The following MPP4 variants were observed in gnomAD, a reference collection of about 807,000 sequenced individuals.
MPP4 encodes the protein MAGUK p55 subfamily member 4.
A neutral mutation model predicts 98.3 loss-of-function variants in MPP4; 91 were observed. The observed-to-expected ratio is 0.93, with a 90% CI of 0.78 to 1.10. MPP4 has a LOEUF of 1.10. MPP4 is among the 50% of genes least tolerant of loss of function. The pLI is 0.00. For synonymous variants in MPP4, 261 were observed against 271.8 expected (o/e 0.96, Z 0.39); for missense variants, 744 against 792.9 (o/e 0.94, Z 0.74).
Position 201,687,414 on chromosome 2 carries a change from C to T in MPP4, c.280-43G>A. ...ATACATTATAAAAATTTTAAAAAAT[C>T]TTTATCACCTACTTAACCTCACCCA... On this transcript the variant is annotated intron_variant, in intron 4 of 21. Coordinates refer to ENST00000409474, the MANE Select transcript of MPP4 (RefSeq NM_033066.3). 1.2e-5 allele frequency: 18 copies of T among 1,448,492 alleles called. 1 individual carries two copies. Among genetic ancestry groups the T allele is most frequent in the Non-Finnish European group, 1.7e-5 (18 of 1,055,372 alleles). The allele number at this position is 1,448,492 out of a possible 1,614,324, so 89.7% of individuals were successfully genotyped here. A position where few individuals can be genotyped will look rare whatever the true frequency, so the allele number is the denominator to read the frequency against.
intron 1 of MPP4, among the ~76,000 whole-genome samples, chr2:201,695,456 T>A (rs1438444338): frequency 6.6e-6 from 1 of 152,326 alleles, no homozygotes; most frequent in African/African-American, 2.4e-5. Flanking sequence ...CGCCAACTTT[T>A]CTTTACATAT....
chr2:201,657,969 G>T (rs112443514), intron 16 of MPP4, among the ~76,000 whole-genome samples: 4,416 of 129,152 alleles, frequency 0.034, 183 homozygotes, highest in African/African-American at 0.097. Context: ...TTTTTTTTTT[G>T]TTTTTTTTTT....
At chr2:201,660,473 T>C in intron 14 of MPP4, 127 bp from the exon 15 acceptor site, 3 of 1,007,354 alleles carry the variant, frequency 3.0e-6, no homozygotes, top group Middle Eastern at 4.1e-4. Flanking sequence ...AAAAGGTAAC[T>C]CGGGTAAGGC....
chr2:201,669,705 G>A (rs1688286997), intron 12 of MPP4, 28 bp downstream of exon 12: 4 of 1,396,860 alleles, frequency 2.9e-6, no homozygotes, highest in Non-Finnish European at 2.8e-6. Context: ...TTGGAGATAA[G>A]AGTTTTTTCC....
chr2:201,657,609 G>GTTTTTTTTTTTTTTTTTTT (rs745412884), intron 16 of MPP4, among the ~76,000 whole-genome samples: 1 of 111,690 alleles, frequency 9.0e-6, no homozygotes. Flanking sequence ...TTGTTTTTTT[G>GTTTTTTTTTTTTTTTTTTT]TTTTTTTTTG....
chr2:201,651,951 T>G, intron 18 of MPP4: 1 of 802,826 alleles, frequency 1.2e-6, no homozygotes, highest in Non-Finnish European at 1.5e-6. Flanking sequence ...AGACTCCATC[T>G]CAAACAAAAC....
At chr2:201,669,127 A>T (rs1304250736) in intron 12 of MPP4, among the ~76,000 whole-genome samples, 54 of 150,908 alleles carry the variant, frequency 3.6e-4, no homozygotes, top group African/African-American at 1.1e-3. Context: ...TGTGTGAGAG[A>T]GAGAGAGAGA....
chr2:201,654,421 G>A (rs1202377173), intron 18 of MPP4, among the ~76,000 whole-genome samples: 1 of 152,148 alleles, frequency 6.6e-6, no homozygotes, highest in East Asian at 1.9e-4. Flanking sequence ...TGCCTGAAAG[G>A]CCATCCCTAT....
intron 21 of MPP4, 151 bp downstream of exon 21, chr2:201,647,540 T>C: frequency 1.5e-6 from 1 of 673,632 alleles, no homozygotes; most frequent in Non-Finnish European, 2.4e-6. Context: ...AATAAAACCA[T>C]AGTAAACCAT....
chr2:201,685,231 T>C (rs1574632881), intron 6 of MPP4, 86 bp from the exon 7 acceptor site: 1 of 137,014 alleles, frequency 7.3e-6, no homozygotes, highest in South Asian at 1.2e-4. Flanking sequence ...GCTCTGGTCT[T>C]TCAATCAATG....
chr2:201,696,064 T>C (rs1435514511), intron 1 of MPP4, among the ~76,000 whole-genome samples: 3 of 152,136 alleles, frequency 2.0e-5, no homozygotes, highest in African/African-American at 4.8e-5. Context: ...TCATTATTAT[T>C]TTGACTCTAA....
At chr2:201,658,387 T>G (rs1175785239) in intron 16 of MPP4, 90 bp downstream of exon 16, 8 of 1,098,950 alleles carry the variant, frequency 7.3e-6, no homozygotes, top group Middle Eastern at 2.0e-4. Flanking sequence ...GAAATGTTCA[T>G]TAGCAAAAGA....
intron 5 of MPP4, among the ~76,000 whole-genome samples, chr2:201,686,456 C>A (rs1688837772): frequency 6.6e-6 from 1 of 152,110 alleles, no homozygotes. Flanking sequence ...ATCAAAATAT[C>A]TTGCTGGTTT....
intron 17 of MPP4, among the ~76,000 whole-genome samples, chr2:201,655,258 G>C (rs1687818591): frequency 6.6e-6 from 1 of 152,184 alleles, no homozygotes; most frequent in South Asian, 2.1e-4. Flanking sequence ...TTCAAATGAG[G>C]TTTTTATCAA....
intron 18 of MPP4, chr2:201,650,613 A>G (rs1012429294): frequency 3.0e-6 from 3 of 985,276 alleles, no homozygotes; most frequent in Non-Finnish European, 3.6e-6. Context: ...TCATAAGAAA[A>G]GCTTTTGGAG....
chr2:201,652,259 G>A (rs1687733789), intron 18 of MPP4, among the ~76,000 whole-genome samples: 1 of 152,030 alleles, frequency 6.6e-6, no homozygotes, highest in South Asian at 2.1e-4. Flanking sequence ...AGGAGTTGGA[G>A]AACAGACAGA....
At chr2:201,648,179 C>T (rs1347850442) in intron 20 of MPP4, among the ~76,000 whole-genome samples, 1 of 152,188 alleles carries the variant, frequency 6.6e-6, no homozygotes, top group Non-Finnish European at 1.5e-5. Flanking sequence ...TGTGCCACCA[C>T]ACCCAGCTAA....
chr2:201,682,844 A>C lies in MPP4; in HGVS notation c.647T>G (p.Val216Gly), dbSNP rs781733994. 1.2e-6 allele frequency: 2 copies of C among 1,613,922 alleles called. No individual in the cohort carries two copies. The highest frequency in any genetic ancestry group is 1.7e-5 in the Admixed American group (1 of 60,026). The change falls in exon 8 of 22, where the codon GTG (valine) becomes GGG (glycine). Residue 216 changes from valine (V) to glycine (G), a missense_variant. Transcript: ENST00000409474. ...VSVEGLDPEQ[V>G]IHILAMSRGT... ...AAGAAGATTTACCAGAATATGGATC[A>C]CTTGTTCAGGGTCCAGTCCCTCAAC...
At chr2:201,656,001 T>C (rs1687836074) in intron 17 of MPP4, among the ~76,000 whole-genome samples, 197 bp downstream of exon 17, 1 of 152,228 alleles carries the variant, frequency 6.6e-6, no homozygotes, top group African/African-American at 2.4e-5. Flanking sequence ...CATTCACTTG[T>C]AGATTTTTTA....
Sources: allele counts gnomAD v4.1 joint callset (sites outside exome capture counted in the v4.1 genomes callset), GRCh38; gene constraint gnomAD v4.1.1; transcripts MANE v1.5; gene names NCBI Gene and HGNC (gene_info 2026-07-23, HGNC 2026-07-21).